The following NOX1 variants were observed in gnomAD, a reference collection of about 807,000 sequenced individuals.
NOX1 encodes the protein NADPH oxidase 1.
Under a neutral mutation model 42.5 loss-of-function variants are expected in NOX1, and 34 were observed. That is an observed-to-expected ratio of 0.80 (90% confidence interval 0.61 to 1.07). The LOEUF is 1.07. Among genes scored for constraint, NOX1 ranks in the 50% least tolerant of loss-of-function variants. NOX1 has a pLI of 0.00. For missense variants in NOX1, 408 were observed against 427.0 expected (o/e 0.96, Z 0.39); for synonymous variants, 143 against 152.5 (o/e 0.94, Z 0.46).
At chrX:100,858,101 G>A (rs1047583528) in intron 7 of NOX1, among the ~76,000 whole-genome samples, 2 of 111,639 alleles carry the variant, frequency 1.8e-5, no homozygotes, top group Non-Finnish European at 3.8e-5. Flanking sequence ...TTTTGAGTTG[G>A]TTTTTGTATA....
rs373467750 is a variant in NOX1, at chrX:100,863,577, G to A, written c.160C>T (p.Arg54Ter). Residue 54 changes from arginine (R) to a stop codon, truncating the protein, a stop_gained, in exon 3 of 13, where the codon CGA (arginine) becomes TGA (stop). Coordinates refer to ENST00000372966, the MANE Select transcript of NOX1 (RefSeq NM_007052.5). LOFTEE classifies it high-confidence loss of function. The part of the protein sequence containing the change: ...KILGSTLACA[R>*]ASALCLNFNS... ...AAATTCAAGCAGAGAGCAGACGCTCGGGCACAGGCCAATGTTGACTACAGC... is the reference window on the plus strand; with the variant it reads ...AAATTCAAGCAGAGAGCAGACGCTCAGGCACAGGCCAATGTTGACTACAGC... The A allele has an allele frequency of 1.7e-5, 21 of 1,207,673 alleles. No individual in the cohort carries two copies. Among genetic ancestry groups the A allele is most frequent in the Admixed American group, 2.2e-5 (1 of 45,361 alleles).
intron 12 of NOX1, among the ~76,000 whole-genome samples, chrX:100,846,077 C>T (rs1310590331): frequency 6.4e-5 from 7 of 110,233 alleles, no homozygotes; most frequent in Admixed American, 1.9e-4. Flanking sequence ...TGAGCCACCA[C>T]GCCCGGCCTA....
At chrX:100,863,104 G>A (rs1165045353) in intron 4 of NOX1, 55 bp downstream of exon 4, 2 of 901,012 alleles carry the variant, frequency 2.2e-6, no homozygotes, top group Admixed American at 4.4e-5. Context: ...ATGGATGAAT[G>A]AAGCAAGATT....
intron 1 of NOX1, 123 bp downstream of exon 1, chrX:100,873,972 G>A (rs2085291618): frequency 4.3e-6 from 2 of 460,787 alleles, no homozygotes; most frequent in African/African-American, 2.5e-5. Context: ...TTAACTAACT[G>A]GTCTTGATGA....
chrX:100,848,414 C>T (rs2085088449), intron 12 of NOX1, among the ~76,000 whole-genome samples: 1 of 111,323 alleles, frequency 9.0e-6, no homozygotes, highest in Non-Finnish European at 1.9e-5. Context: ...GCCTCAGCCT[C>T]CCAAGTAGCT....
intron 1 of NOX1, among the ~76,000 whole-genome samples, chrX:100,871,913 C>T (rs754655187): frequency 2.6e-4 from 29 of 111,932 alleles, no homozygotes; most frequent in African/African-American, 8.8e-4. Flanking sequence ...GTAGCATCAC[C>T]AATTAATAGC....
chrX:100,872,749 C>T (rs752419631), intron 1 of NOX1, among the ~76,000 whole-genome samples: 84 of 109,856 alleles, frequency 7.6e-4, no homozygotes, highest in African/African-American at 2.6e-3. Flanking sequence ...CCCCTGCTCC[C>T]CTCCCCTGCC....
chrX:100,863,181 G>A lies in NOX1; in HGVS notation c.315C>T (p.Ala105=), dbSNP rs774915175. 54 of 1,204,431 alleles carry A rather than the reference G, an allele frequency of 4.5e-5. No individual in the cohort carries two copies. The highest frequency in any genetic ancestry group is 6.0e-5 in the Non-Finnish European group (53 of 890,274). Residue 105 remains alanine, a synonymous_variant, in exon 4 of 13, where the codon GCC becomes GCT. Transcript: ENST00000372966. ...DHNLTFHKLV[A]YMICLHTAIH... ...TACCTGTATGTAGGCAGATCATATA[G>A]GCCACCAGCTTGTGGAAGGTGAGGT...
intron 2 of NOX1, among the ~76,000 whole-genome samples, chrX:100,867,520 T>G (rs1016430383): frequency 3.6e-5 from 4 of 112,165 alleles, no homozygotes; most frequent in African/African-American, 9.7e-5. Context: ...TCTATGCAGT[T>G]ATGCAGTGAT....
At chrX:100,867,501 G>C (rs1307260532) in intron 2 of NOX1, among the ~76,000 whole-genome samples, 1 of 112,104 alleles carries the variant, frequency 8.9e-6, no homozygotes, top group Non-Finnish European at 1.9e-5. Flanking sequence ...CTCTTAAAAG[G>C]CTGAGAGCTC....
intron 12 of NOX1, among the ~76,000 whole-genome samples, chrX:100,847,298 G>A (rs1471628528): frequency 1.8e-5 from 2 of 111,825 alleles, no homozygotes; most frequent in Admixed American, 9.5e-5. Context: ...CCATGTGGCC[G>A]TAGACTTTTC....
At chrX:100,849,093 G>GAAGA (rs1193311462) in intron 11 of NOX1, among the ~76,000 whole-genome samples, 187 bp downstream of exon 11, 1 of 110,445 alleles carries the variant, frequency 9.1e-6, no homozygotes, top group Non-Finnish European at 1.9e-5. Context: ...AAAAAAAAAA[G>GAAGA]AAGAAAGAAA....
chrX:100,846,924 C>T (rs1448489858), intron 12 of NOX1, among the ~76,000 whole-genome samples: 3 of 100 alleles, frequency 0.03, no homozygotes, highest in Non-Finnish European at 0.058. Flanking sequence ...CATGGTGGCT[C>T]ATGCTGTAAT....
At chrX:100,853,153 G>T (rs1381051404) in intron 7 of NOX1, among the ~76,000 whole-genome samples, 1 of 110,645 alleles carries the variant, frequency 9.0e-6, no homozygotes, top group Admixed American at 9.6e-5. Flanking sequence ...TAAAGTAATG[G>T]CCACAATGTT....
intron 5 of NOX1, 38 bp from the exon 6 acceptor site, chrX:100,862,611 C>A (rs760359641): frequency 1.7e-6 from 2 of 1,193,967 alleles, no homozygotes; most frequent in Admixed American, 4.5e-5. Context: ...ACAATGTCCA[C>A]CTGTGCACTT....
intron 2 of NOX1, among the ~76,000 whole-genome samples, chrX:100,868,725 A>T (rs1234549095): frequency 2.7e-5 from 3 of 110,929 alleles, no homozygotes; most frequent in African/African-American, 9.8e-5. Context: ...CTTTTTTTTA[A>T]AAAAAAACCA....
At chrX:100,865,059 T>C (rs2085229096) in intron 2 of NOX1, among the ~76,000 whole-genome samples, 1 of 112,536 alleles carries the variant, frequency 8.9e-6, no homozygotes, top group African/African-American at 3.2e-5. Flanking sequence ...GCCTAGTATC[T>C]ATAATGGCTA....
Position 100,844,071 on chromosome X carries a change from C to T in NOX1, c.1576G>A (p.Val526Met), listed in dbSNP as rs1308217816. ...TIATSHPKSVVGVFLCGPRTL... is the reference protein window; with the variant it reads ...TIATSHPKSVMGVFLCGPRTL... Reference sequence around the variant, plus strand: ...CGAGGGCCACATAAGAAAACTCCCACTACAGACCTGTAGGAACAGAACAAT... The same window carrying T: ...CGAGGGCCACATAAGAAAACTCCCATTACAGACCTGTAGGAACAGAACAAT... The change falls in exon 13 of 13, where the codon GTG (valine) becomes ATG (methionine). Residue 526 changes from valine to methionine, a missense_variant. Transcript: ENST00000372966. 6 of 1,187,310 alleles carry T rather than the reference C, an allele frequency of 5.1e-6. No individual in the cohort carries two copies. In the Admixed American group the frequency reaches 1.2e-4, roughly 23 times the overall value.
Position 100,848,706 on chromosome X carries a change from C to T in NOX1, c.1492G>A (p.Gly498Ser). The T allele has an allele frequency of 8.3e-7, 1 of 1,210,658 alleles. No individual in the cohort carries two copies. The highest frequency in any genetic ancestry group is 1.1e-6 in the Non-Finnish European group (1 of 894,247). ...CCAAAGGAGGTTTTCTGTTTCAGAC[C>T]TGTCACGATGTCAGTGGCCTTGTCA... is the stretch of plus-strand genomic sequence containing the variant. ...NFDKATDIVT[G>S]LKQKTSFGRP... is the part of the protein sequence containing the mutation. The change falls in exon 12 of 13, where the codon GGT (glycine) becomes AGT (serine). Residue 498 changes from glycine to serine, a missense_variant. Transcript: ENST00000372966.
Sources: gnomAD v4.1 joint callset for allele counts (sites outside exome capture counted in the v4.1 genomes callset) on GRCh38, gnomAD v4.1.1 for gene constraint, MANE v1.5 for transcripts, NCBI Gene and HGNC (gene_info 2026-07-23, HGNC 2026-07-21) for gene names.